The following BTN2A1 variants were observed in gnomAD, a reference collection of about 807,000 sequenced individuals.
The protein encoded by BTN2A1 is butyrophilin subfamily 2 member A1.
Under a neutral mutation model 34.5 loss-of-function variants are expected in BTN2A1, and 41 were observed. The ratio of observed to expected loss-of-function variants is 1.19; its 90% CI spans 0.93 to 1.54. BTN2A1 has a LOEUF of 1.54. Ranked by LOEUF, BTN2A1 falls within the 40% of genes most tolerant of loss-of-function variation. The pLI, the probability that BTN2A1 is intolerant of heterozygous loss-of-function variation, is 0.00. For synonymous variants in BTN2A1, 267 were observed against 258.6 expected (o/e 1.03, Z -0.31); for missense variants, 642 against 662.0 (o/e 0.97, Z 0.33).
Position 26,468,817 on chromosome 6 carries a change from A to C in BTN2A1, c.*268A>C, listed in dbSNP as rs1763397898. ...TGTTACACAGCTCCCAGCCAAGAAG[A>C]AAGTGTGAGAAGTTGATGGGCAGCA... On this transcript the variant is annotated 3_prime_UTR_variant, in exon 8 of 8. Transcript: ENST00000312541. The C allele has an allele frequency of 6.4e-7, 1 of 1,560,428 alleles. No homozygotes were observed. Among genetic ancestry groups the C allele is most frequent in the Non-Finnish European group, 8.7e-7 (1 of 1,148,864 alleles).
chr6:26,471,663 AAAGGAAGG>A (rs71745841), downstream of BTN2A1, among the ~76,000 whole-genome samples: 69 of 151,614 alleles, frequency 4.6e-4, no homozygotes, highest in African/African-American at 1.3e-3. Flanking sequence ...GGAAGGAAGG[AAAGGAAGG>A]AAGGAAGGAA....
At position 26,468,122 on chromosome 6, in the gene BTN2A1, A is replaced by G. The variant is rs1763368957; in HGVS notation, c.1157A>G (p.His386Arg). The G allele has an allele frequency of 1.9e-6, 3 of 1,614,046 alleles. No individual in the cohort carries two copies. Among genetic ancestry groups the G allele is most frequent in the African/African-American group, 1.3e-5 (1 of 74,910 alleles). ...CGGGAGAGCTTCGCTTCAGGGAAAC[A>G]TTACTGGGAGGTGGAGGTGGAAAAC... Reference protein sequence around the residue: ...LGRESFASGKHYWEVEVENVI... With the variant: ...LGRESFASGKRYWEVEVENVI... The change falls in exon 8 of 8, where the codon CAT becomes CGT. Residue 386 changes from histidine (H) to arginine (R), a missense_variant. Transcript: ENST00000312541.
Position 26,468,097 on chromosome 6 carries a change from C to T in BTN2A1, c.1132C>T (p.Arg378Trp), listed in dbSNP as rs762159236. 1.5e-5 allele frequency: 25 copies of T among 1,614,036 alleles called. No individual in the cohort carries two copies. The highest frequency in any genetic ancestry group is 1.2e-4 in the Admixed American group (7 of 60,002). Residue 378 changes from arginine (R) to tryptophan (W), a missense_variant, in exon 8 of 8, where the codon CGG becomes TGG. Arg to Trp is a moderately radical substitution (Grantham distance 101). Transcript: ENST00000312541. ...CGACAGTCAGCCTTGTGTCCTAGGCCGGGAGAGCTTCGCTTCAGGGAAACA... is the reference window on the plus strand; with the variant it reads ...CGACAGTCAGCCTTGTGTCCTAGGCTGGGAGAGCTTCGCTTCAGGGAAACA... ...RFDSQPCVLG[R>W]ESFASGKHYW...
chr6:26,458,567 G>C, intron 1 of BTN2A1, 40 bp from the exon 2 acceptor site: 1 of 1,552,772 alleles, frequency 6.4e-7, no homozygotes, highest in Admixed American at 1.7e-5. Context: ...CAGCACTGAG[G>C]TGCCAAGACT....
intron 5 of BTN2A1, 73 bp from the exon 6 acceptor site, chr6:26,465,880 G>A: frequency 1.2e-6 from 2 of 1,609,422 alleles, no homozygotes; most frequent in Non-Finnish European, 1.7e-6. Flanking sequence ...GACGGTTCCT[G>A]CATTGTTTAC....
rs1763217656 is a variant in BTN2A1, at chr6:26,463,335, C to T, written c.522C>T (p.Pro174=). The T allele has an allele frequency of 6.2e-7, 1 of 1,614,040 alleles. No individual in the cohort carries two copies. Among genetic ancestry groups the T allele is most frequent in the South Asian group, 1.1e-5 (1 of 91,074 alleles). Reference sequence around the variant, plus strand: ...TATCTAGAGGGTGGTACCCAAAGCCCCTCACAGTGTGGAGGGACCCCTACG... The same window carrying T: ...TATCTAGAGGGTGGTACCCAAAGCCTCTCACAGTGTGGAGGGACCCCTACG... ...ECISRGWYPK[P]LTVWRDPYGG... is the part of the protein sequence containing the mutation. Residue 174 remains proline, a synonymous_variant, in exon 4 of 8, where the codon CCC becomes CCT. Coordinates refer to ENST00000312541, the MANE Select transcript of BTN2A1 (RefSeq NM_007049.5).
downstream of BTN2A1, among the ~76,000 whole-genome samples, chr6:26,472,248 A>G (rs1763465093): frequency 6.6e-6 from 1 of 152,190 alleles, no homozygotes; most frequent in African/African-American, 2.4e-5. Context: ...CAGCTGTTTT[A>G]GCCTCCCCTT....
chr6:26,459,961 G>A lies in BTN2A1; in HGVS notation c.430+133G>A, dbSNP rs547888236. On this transcript the variant is annotated intron_variant, in intron 3 of 7. Coordinates refer to ENST00000312541, the MANE Select transcript of BTN2A1 (RefSeq NM_007049.5). ...CCTTTTCCACTCTCCCTGTGGAAAC[G>A]GAATTCCAGGGAAAAATCCTTCCTC... The A allele has an allele frequency of 2.2e-4, 192 of 864,990 alleles. 1 individual carries two copies. In the East Asian group the frequency reaches 4.6e-3, roughly 21 times the overall value. The allele number at this position is 864,990 out of a possible 1,614,324, so 53.6% of individuals were successfully genotyped here. A position where few individuals can be genotyped will look rare whatever the true frequency, so the allele number is the denominator to read the frequency against.
Position 26,469,004 on chromosome 6 carries a change from A to G in BTN2A1, c.*455A>G, listed in dbSNP as rs910598819. 2.5e-6 allele frequency: 3 copies of G among 1,188,398 alleles called. No individual in the cohort carries two copies. The highest frequency in any genetic ancestry group is 3.2e-5 in the African/African-American group (2 of 62,584). 73.6% of individuals were successfully genotyped at this position (1,188,398 alleles called of 1,614,324 possible). A position where few individuals can be genotyped will look rare whatever the true frequency, so the allele number is the denominator to read the frequency against. ...GGAGAGGGAACCAGATATGCAGATCAGAGATAGAGGAAGTGGAACCAGAGA... is the reference window on the plus strand; with the variant it reads ...GGAGAGGGAACCAGATATGCAGATCGGAGATAGAGGAAGTGGAACCAGAGA... On this transcript the variant is annotated 3_prime_UTR_variant, in exon 8 of 8. Coordinates refer to ENST00000312541, the MANE Select transcript of BTN2A1 (RefSeq NM_007049.5).
Position 26,469,328 on chromosome 6 carries a change from A to G in BTN2A1, c.*779A>G. 2 of 986,570 alleles carry G rather than the reference A, an allele frequency of 2.0e-6. No individual in the cohort carries two copies. The highest frequency in any genetic ancestry group is 2.4e-6 in the Non-Finnish European group (2 of 830,758). 61.1% of individuals were successfully genotyped at this position (986,570 alleles called of 1,614,324 possible). A position where few individuals can be genotyped will look rare whatever the true frequency, so the allele number is the denominator to read the frequency against. On this transcript the variant is annotated 3_prime_UTR_variant, in exon 8 of 8. Coordinates refer to ENST00000312541, the MANE Select transcript of BTN2A1 (RefSeq NM_007049.5). ...ACCTCAGTATTCAAGTTCAGTGGGG[A>G]CACCAGTGGCTTCAAACTTCCTGGT...
rs535843474 is a variant in BTN2A1 at position 26,463,491 on chromosome 6, C to T, written c.678C>T (p.Leu226=). The change falls in exon 4 of 8, where the codon CTC becomes CTT. Residue 226 remains leucine (L), a synonymous_variant. Coordinates refer to ENST00000312541, the MANE Select transcript of BTN2A1 (RefSeq NM_007049.5). The part of the protein sequence containing the change: ...NMSCSINNTL[L]GQKKESVIFI... ...CCTGCTCTATCAACAACACCCTGCT[C>T]GGCCAGAAGAAAGAAAGTGTCATTT... 3.8e-5 allele frequency: 62 copies of T among 1,614,038 alleles called. No homozygotes were observed. The highest frequency in any genetic ancestry group is 2.4e-4 in the African/African-American group (18 of 75,022).
chr6:26,462,878 G>C (rs1489486806), intron 3 of BTN2A1: 1 of 1,279,878 alleles, frequency 7.8e-7, no homozygotes, highest in Non-Finnish European at 1.0e-6. Flanking sequence ...TGAAGTTGGA[G>C]TCGACACACC....
rs139704028 is a variant in BTN2A1 at position 26,475,109 on chromosome 6, C to T, written c.983-1013C>T. Among the ~76,000 whole-genome samples, 22 of 152,296 alleles carry T rather than the reference C, an allele frequency of 1.4e-4. 1 individual carries two copies. The East Asian group carries it at 3.9e-3, about 27-fold the overall frequency. On this transcript the variant is annotated intron_variant, in intron 7 of 7. Coordinates refer to the BTN2A1 transcript ENST00000469185. ...AATATCTCCTGGTTATGTTTAGGAA[C>T]ATATTCCAAAAGGTTCTAAAAAGAG...
At chr6:26,462,781 C>T (rs1356008830) in intron 3 of BTN2A1, 1 of 1,283,350 alleles carries the variant, frequency 7.8e-7, no homozygotes, top group Non-Finnish European at 1.0e-6. Flanking sequence ...TTTCGTCCTT[C>T]TCGTTATTAT....
intron 7 of BTN2A1, among the ~76,000 whole-genome samples, chr6:26,475,348 T>C (rs1252038364): frequency 6.6e-6 from 1 of 152,170 alleles, no homozygotes; most frequent in Non-Finnish European, 1.5e-5. Flanking sequence ...TCACTTCCTT[T>C]GTCACTATCT....
intron 3 of BTN2A1, among the ~76,000 whole-genome samples, chr6:26,462,104 T>C (rs1763181851): frequency 6.6e-6 from 1 of 152,176 alleles, no homozygotes; most frequent in African/African-American, 2.4e-5. Context: ...GTAAAATTCT[T>C]TGGGAGACTT....
At chr6:26,472,985 T>TA (rs965473231), downstream of BTN2A1, among the ~76,000 whole-genome samples, 21 of 151,990 alleles carry the variant, frequency 1.4e-4, no homozygotes, top group East Asian at 3.9e-4. Context: ...CACAACAGTG[T>TA]AAAAAAACAA....
chr6:26,468,160 A>C lies in BTN2A1; in HGVS notation c.1195A>C (p.Thr399Pro), dbSNP rs780309507. The C allele has an allele frequency of 3.1e-6, 5 of 1,613,946 alleles. No homozygotes were observed. The highest frequency in any genetic ancestry group is 1.7e-5 in the Admixed American group (1 of 59,988). Residue 399 changes from threonine to proline, a missense_variant, in exon 8 of 8, where the codon ACT (threonine) becomes CCT (proline). Thr to Pro is a conservative substitution (Grantham distance 38). Transcript: ENST00000312541. The stretch of plus-strand genomic sequence containing the variant: ...GGAGGTGGAAAACGTGATTGAGTGG[A>C]CTGTGGGGGTCTGTAGAGACAGTGT... ...EVEVENVIEW[T>P]VGVCRDSVER... is the part of the protein sequence containing the mutation.
downstream of BTN2A1, chr6:26,469,708 T>C (rs1763416377): frequency 6.6e-6 from 1 of 152,206 alleles, no homozygotes; most frequent in Non-Finnish European, 1.5e-5. Flanking sequence ...TATCTGCCTT[T>C]ATACTCACTC....
Sources: gnomAD v4.1 joint callset for allele counts (sites outside exome capture counted in the v4.1 genomes callset) on GRCh38, gnomAD v4.1.1 for gene constraint, MANE v1.5 for transcripts, NCBI Gene and HGNC (gene_info 2026-07-23, HGNC 2026-07-21) for gene names.